The following VANGL1 variants were observed in gnomAD, a reference collection of about 807,000 sequenced individuals.
VANGL1 encodes VANGL planar cell polarity protein 1.
In VANGL1, 18 loss-of-function variants were observed where a neutral mutation model predicts 48.4. The ratio of observed to expected loss-of-function variants is 0.37; its 90% CI spans 0.26 to 0.55. VANGL1 has a LOEUF of 0.55. Among genes scored for constraint, VANGL1 ranks in the 20% least tolerant of loss-of-function variants. VANGL1 has a pLI of 0.81. For synonymous variants in VANGL1, 257 were observed against 261.8 expected (o/e 0.98, Z 0.18); for missense variants, 667 against 675.8 (o/e 0.99, Z 0.14).
At position 115,694,113 on chromosome 1, in the gene VANGL1, A is replaced by G. The variant is rs1476422520; in HGVS notation, c.*2734A>G. Reference sequence around the variant, plus strand: ...ACAGTTTTTATAGTCCATGAACTGAATGTTAAAAAGTTCTGTATGCATTCT... The same window carrying G: ...ACAGTTTTTATAGTCCATGAACTGAGTGTTAAAAAGTTCTGTATGCATTCT... On this transcript the variant is annotated 3_prime_UTR_variant, in exon 8 of 8. Transcript: ENST00000355485. The G allele has an allele frequency of 6.6e-6, 1 of 152,224 alleles. No individual in the cohort carries two copies. Among genetic ancestry groups the G allele is most frequent in the East Asian group, 1.9e-4 (1 of 5,196 alleles). The allele number at this position is 152,224 out of a possible 1,614,324, so 9.4% of individuals were successfully genotyped here. A position where few individuals can be genotyped will look rare whatever the true frequency, so the allele number is the denominator to read the frequency against.
intron 4 of VANGL1, 138 bp from the exon 5 acceptor site, chr1:115,682,226 G>A: frequency 8.1e-7 from 1 of 1,227,446 alleles, no homozygotes; most frequent in East Asian, 2.6e-5. Flanking sequence ...CCAGAAGTGT[G>A]GTGGAACCCA....
At position 115,696,427 on chromosome 1, in the gene VANGL1, T is replaced by G. The variant is rs1654031640; in HGVS notation, c.*5048T>G. ...TGACAGAGCAGACGTAAAACAGGAC[T>G]CAGAAAACCATTTTTCTCTGTTCCC... On this transcript the variant is annotated 3_prime_UTR_variant, in exon 8 of 8. Coordinates refer to ENST00000355485, the MANE Select transcript of VANGL1 (RefSeq NM_138959.3). 2 of 152,206 alleles carry G rather than the reference T, an allele frequency of 1.3e-5. No individual in the cohort carries two copies. Among genetic ancestry groups the G allele is most frequent in the Non-Finnish European group, 2.9e-5 (2 of 68,036 alleles). 9.4% of individuals were successfully genotyped at this position (152,206 alleles called of 1,614,324 possible).
intron 4 of VANGL1, among the ~76,000 whole-genome samples, chr1:115,678,803 A>G (rs1412801615): frequency 1.3e-5 from 2 of 152,062 alleles, no homozygotes; most frequent in African/African-American, 4.8e-5. Context: ...TAAAAATACA[A>G]AATTTAGCTG....
At position 115,693,141 on chromosome 1, in the gene VANGL1, G is replaced by GTACT. The variant is rs1653906631; in HGVS notation, c.*1763_*1766dup. The GTACT allele has an allele frequency of 6.6e-6, 1 of 152,628 alleles. No homozygotes were observed. The highest frequency in any genetic ancestry group is 1.5e-5 in the Non-Finnish European group (1 of 68,048). The allele number at this position is 152,628 out of a possible 1,614,324, so 9.5% of individuals were successfully genotyped here. A position where few individuals can be genotyped will look rare whatever the true frequency, so the allele number is the denominator to read the frequency against. On this transcript the variant is annotated 3_prime_UTR_variant, in exon 8 of 8. Transcript: ENST00000355485. ...CATAGGTGTGGCGTGGAGCCAAGAT[G>GTACT]TACTATTCAACTATGTGTTTCTGTT...
At chr1:115,682,729 A>G (rs1653439262) in intron 5 of VANGL1, among the ~76,000 whole-genome samples, 1 of 152,238 alleles carries the variant, frequency 6.6e-6, no homozygotes, top group Non-Finnish European at 1.5e-5. Flanking sequence ...GATTGAAAAC[A>G]GCAGCGGTGT....
rs866449956 is a variant in VANGL1, at chr1:115,696,020, G to A, written c.*4641G>A. 1.3e-5 allele frequency: 2 copies of A among 152,182 alleles called. No individual in the cohort carries two copies. Among genetic ancestry groups the A allele is most frequent in the Non-Finnish European group, 2.9e-5 (2 of 68,034 alleles). 9.4% of individuals were successfully genotyped at this position (152,182 alleles called of 1,614,324 possible). ...TAGCAAATATCTTAGGATATTTGAT[G>A]GAAAGAACTTGAGAATCCCTTCTGG... is the stretch of plus-strand genomic sequence containing the variant. On this transcript the variant is annotated 3_prime_UTR_variant, in exon 8 of 8. Transcript: ENST00000355485.
chr1:115,669,314 C>T (rs1652894110), intron 4 of VANGL1, among the ~76,000 whole-genome samples: 1 of 152,108 alleles, frequency 6.6e-6, no homozygotes, highest in Non-Finnish European at 1.5e-5. Flanking sequence ...ATTCAGCCAG[C>T]AGGTTTTAAC....
At chr1:115,662,905 GCCT>G (rs1652617142) in intron 3 of VANGL1, among the ~76,000 whole-genome samples, 1 of 151,772 alleles carries the variant, frequency 6.6e-6, no homozygotes, top group Admixed American at 6.6e-5. Context: ...TCCTGCCTCA[GCCT>G]CCTGAGTAGC....
At chr1:115,668,574 A>C (rs1476766927) in intron 4 of VANGL1, among the ~76,000 whole-genome samples, 1 of 152,248 alleles carries the variant, frequency 6.6e-6, no homozygotes, top group East Asian at 1.9e-4. Flanking sequence ...CTCACCACTT[A>C]GTAGTTTAAA....
At chr1:115,686,899 AG>A (rs1164319214) in intron 7 of VANGL1, among the ~76,000 whole-genome samples, 1 of 140,934 alleles carries the variant, frequency 7.1e-6, no homozygotes, top group Non-Finnish European at 1.6e-5. Context: ...TCTCTCTGAC[AG>A]GGTTGTTGTG....
At chr1:115,661,912 C>G (rs1438100357) in intron 3 of VANGL1, among the ~76,000 whole-genome samples, 3 of 152,164 alleles carry the variant, frequency 2.0e-5, no homozygotes, top group African/African-American at 7.2e-5. Context: ...GCCACCGTGC[C>G]TGGCTGGATG....
Position 115,664,280 on chromosome 1 carries a change from C to CA in VANGL1, c.812+13dup. On this transcript the variant is annotated intron_variant, in intron 4 of 7. Coordinates refer to ENST00000355485, the MANE Select transcript of VANGL1 (RefSeq NM_138959.3). Reference sequence around the variant, plus strand: ...CTGGGACACCTGAGGTAAGAGGCAACATCCAGGAGGCAGAAAGGATGGCTG... The same window carrying CA: ...CTGGGACACCTGAGGTAAGAGGCAACAATCCAGGAGGCAGAAAGGATGGCTG... 6.2e-7 allele frequency: 1 copy of CA among 1,612,970 alleles called. No homozygotes were observed. The highest frequency in any genetic ancestry group is 8.5e-7 in the Non-Finnish European group (1 of 1,179,802).
At chr1:115,683,795 C>T in intron 5 of VANGL1, 149 bp from the exon 6 acceptor site, 1 of 1,034,770 alleles carries the variant, frequency 9.7e-7, no homozygotes, top group Non-Finnish European at 1.5e-6. Flanking sequence ...GGGCACAGTT[C>T]ACCCTCCTGG....
At chr1:115,684,914 C>T (rs1358868937) in intron 6 of VANGL1, among the ~76,000 whole-genome samples, 2 of 152,088 alleles carry the variant, frequency 1.3e-5, no homozygotes, top group African/African-American at 4.8e-5. Context: ...CCAGCCACCT[C>T]TCTCTGTACA....
At chr1:115,688,789 C>CT (rs375754395) in intron 7 of VANGL1, among the ~76,000 whole-genome samples, 8,645 of 124,160 alleles carry the variant, frequency 0.07, 1,490 homozygotes, top group Admixed American at 0.12. Flanking sequence ...TATATTTCTT[C>CT]TTTTTTTTTT....
chr1:115,687,705 C>CTGTGTGTG (rs56094677), intron 7 of VANGL1, among the ~76,000 whole-genome samples: 2,141 of 112,838 alleles, frequency 0.019, 326 homozygotes, highest in Non-Finnish European at 0.026. Flanking sequence ...CTCTCTTTCT[C>CTGTGTGTG]TGTGTGTGTG....
At chr1:115,653,016 C>A (rs1003135759) in intron 2 of VANGL1, among the ~76,000 whole-genome samples, 36 of 152,096 alleles carry the variant, frequency 2.4e-4, no homozygotes, top group African/African-American at 7.7e-4. Flanking sequence ...GTTCATGAGA[C>A]CATGTTAAAA....
intron 2 of VANGL1, among the ~76,000 whole-genome samples, chr1:115,658,236 C>T (rs781519236): frequency 6.6e-6 from 1 of 152,108 alleles, no homozygotes; most frequent in Non-Finnish European, 1.5e-5. Flanking sequence ...ATGATAAGGT[C>T]GAAGTTTGAC....
At position 115,668,737 on chromosome 1, in the gene VANGL1, T is replaced by C. The variant is rs567866283; in HGVS notation, c.812+4469T>C. Among the ~76,000 whole-genome samples the C allele has an allele frequency of 1.9e-4, 29 of 152,328 alleles. No individual in the cohort carries two copies. In the East Asian group the frequency reaches 2.3e-3, roughly 12 times the overall value. On this transcript the variant is annotated intron_variant, in intron 4 of 7. Transcript: ENST00000355485. ...TTTTTCCTGTGTATTCTCTCCTCCT[T>C]CTTTTCCTGTATATTCTCTCCTTCT...
Sources: allele counts gnomAD v4.1 joint callset (sites outside exome capture counted in the v4.1 genomes callset), GRCh38; gene constraint gnomAD v4.1.1; transcripts MANE v1.5; gene names NCBI Gene and HGNC (gene_info 2026-07-23, HGNC 2026-07-21).